The following CNTLN variants were observed in gnomAD, a reference collection of about 807,000 sequenced individuals.
The protein encoded by CNTLN is centlein.
A neutral mutation model predicts 180.0 loss-of-function variants in CNTLN; 212 were observed. The observed-to-expected ratio is 1.18, with a 90% CI of 1.05 to 1.32. The LOEUF (loss-of-function observed/expected upper bound fraction) is 1.32. Ranked by LOEUF, CNTLN falls within the 40% of genes most tolerant of loss-of-function variation. CNTLN has a pLI of 0.00. For missense variants in CNTLN, 2,095 were observed against 1,610.9 expected, an observed-to-expected ratio of 1.30 and a Z score of -5.14; for synonymous variants, 722 against 563.1, an observed-to-expected ratio of 1.28 and a Z score of -3.99.
chr9:17,165,117 C>T (rs1039887300), intron 2 of CNTLN, among the ~76,000 whole-genome samples: 23 of 152,020 alleles, frequency 1.5e-4, no homozygotes, highest in Admixed American at 5.9e-4. Context: ...GGATTACAGG[C>T]GTGACCCATT....
intron 2 of CNTLN, among the ~76,000 whole-genome samples, chr9:17,195,102 A>G (rs912156960): frequency 5.3e-5 from 8 of 152,222 alleles, no homozygotes; most frequent in African/African-American, 9.6e-5. Flanking sequence ...CAGCCAAACC[A>G]TATCAGAAGC....
intron 5 of CNTLN, among the ~76,000 whole-genome samples, chr9:17,259,335 A>G (rs1826765338): frequency 7.4e-6 from 1 of 135,076 alleles, no homozygotes; most frequent in Non-Finnish European, 1.6e-5. Flanking sequence ...CCACTTGATC[A>G]TGGTGGATAA....
chr9:17,452,925 A>T (rs1285271320), intron 18 of CNTLN, among the ~76,000 whole-genome samples: 1 of 152,198 alleles, frequency 6.6e-6, no homozygotes, highest in East Asian at 1.9e-4. Flanking sequence ...TTGTCAGTTA[A>T]ACTACAAAAT....
intron 6 of CNTLN, among the ~76,000 whole-genome samples, chr9:17,281,314 G>A (rs556102406): frequency 1.5e-4 from 23 of 151,828 alleles, no homozygotes; most frequent in African/African-American, 4.8e-4. Context: ...CAGGATACAC[G>A]TGCAGGATGT....
chr9:17,472,796 A>G (rs751534938), intron 23 of CNTLN, among the ~76,000 whole-genome samples: 2 of 152,168 alleles, frequency 1.3e-5, no homozygotes, highest in African/African-American at 2.4e-5. Flanking sequence ...CTGAATTCCA[A>G]AATCTCCATT....
chr9:17,342,314 T>C lies in CNTLN; in HGVS notation c.1767-11T>C. 6.2e-7 allele frequency: 1 copy of C among 1,609,714 alleles called. No individual in the cohort carries two copies. The highest frequency in any genetic ancestry group is 2.2e-5 in the East Asian group (1 of 44,668). On this transcript the variant is annotated splice_polypyrimidine_tract_variant and intron_variant, in intron 11 of 25. Coordinates refer to ENST00000380647, the MANE Select transcript of CNTLN (RefSeq NM_017738.4). ...ATGTTAATTGAAAAAGCAACTTTGT[T>C]TTAAAAATAGGACTGAAATCAGGAA...
At chr9:17,296,745 A>G (rs1314802910) in intron 6 of CNTLN, among the ~76,000 whole-genome samples, 2 of 151,542 alleles carry the variant, frequency 1.3e-5, no homozygotes, top group African/African-American at 4.9e-5. Context: ...TTTGACTGCT[A>G]TTTTCTGCAT....
chr9:17,324,572 T>C (rs572852416), intron 8 of CNTLN, among the ~76,000 whole-genome samples: 1 of 152,278 alleles, frequency 6.6e-6, no homozygotes, highest in East Asian at 1.9e-4. Flanking sequence ...TTACATGTCA[T>C]AGAATAAATA....
intron 5 of CNTLN, among the ~76,000 whole-genome samples, chr9:17,267,461 T>G (rs893654749): frequency 6.6e-6 from 1 of 152,158 alleles, no homozygotes; most frequent in Non-Finnish European, 1.5e-5. Context: ...TCTCTCTGGC[T>G]GCCCTTAACA....
At chr9:17,295,614 C>G (rs983095277) in intron 6 of CNTLN, among the ~76,000 whole-genome samples, 2 of 152,156 alleles carry the variant, frequency 1.3e-5, no homozygotes, top group Non-Finnish European at 2.9e-5. Context: ...CCGACCACAG[C>G]TGTTTCTAGT....
chr9:17,143,191 A>G (rs573527698), intron 1 of CNTLN, 97 bp from the exon 2 acceptor site: 1 of 791,364 alleles, frequency 1.3e-6, no homozygotes, highest in African/African-American at 1.7e-5. Context: ...ACAACTAGGG[A>G]TCAAGTAATT....
At chr9:17,352,744 CT>C (rs1822485840) in intron 12 of CNTLN, among the ~76,000 whole-genome samples, 1 of 152,040 alleles carries the variant, frequency 6.6e-6, no homozygotes, top group South Asian at 2.1e-4. Flanking sequence ...CTGGCAACCG[CT>C]TATCTGCTTT....
intron 5 of CNTLN, among the ~76,000 whole-genome samples, chr9:17,240,296 C>A (rs996454336): frequency 1.3e-5 from 2 of 152,030 alleles, no homozygotes; most frequent in African/African-American, 4.8e-5. Context: ...GTTTTGTATA[C>A]TGATCTTGTA....
At chr9:17,151,646 T>C (rs1213067036) in intron 2 of CNTLN, among the ~76,000 whole-genome samples, 2 of 152,098 alleles carry the variant, frequency 1.3e-5, no homozygotes, top group African/African-American at 4.8e-5. Flanking sequence ...CTCTGCCAGG[T>C]TTTGGTATCA....
chr9:17,316,436 T>G (rs2132990508), intron 8 of CNTLN, among the ~76,000 whole-genome samples: 1 of 152,234 alleles, frequency 6.6e-6, no homozygotes. Context: ...GCTCTTTAAC[T>G]TAGGATGGGG....
At chr9:17,299,328 A>G (rs957704612) in intron 7 of CNTLN, 10 of 274,122 alleles carry the variant, frequency 3.6e-5, no homozygotes, top group African/African-American at 6.9e-5. Flanking sequence ...TAAATAATGT[A>G]GTTTATATAG....
intron 6 of CNTLN, among the ~76,000 whole-genome samples, chr9:17,295,816 A>G (rs909383240): frequency 5.3e-5 from 8 of 152,142 alleles, no homozygotes; most frequent in Admixed American, 3.3e-4. Context: ...AGAAATAAAC[A>G]TATCTACATA....
Position 17,253,765 on chromosome 9 carries a change from T to TTC in CNTLN, c.849+17178_849+17179insCT, listed in dbSNP as rs1218971047. 2.0e-5 allele frequency among the ~76,000 whole-genome samples: 3 copies of TTC among 150,614 alleles called. No individual in the cohort carries two copies. The East Asian group carries it at 5.8e-4, about 29-fold the overall frequency. On this transcript the variant is annotated intron_variant, in intron 5 of 25. Coordinates refer to ENST00000380647, the MANE Select transcript of CNTLN (RefSeq NM_017738.4). ...AAACTGGATGTCTTTTCTATTGTTT[T>TTC]TTTTTTTTCTTTTGCCTGATTGCTC...
intron 12 of CNTLN, among the ~76,000 whole-genome samples, chr9:17,351,567 T>C (rs1587737073): frequency 6.6e-6 from 1 of 152,336 alleles, no homozygotes; most frequent in East Asian, 1.9e-4. Context: ...TTATTTTTTT[T>C]CTGACCTCCC....
Sources: allele counts gnomAD v4.1 joint callset (sites outside exome capture counted in the v4.1 genomes callset), GRCh38; gene constraint gnomAD v4.1.1; transcripts MANE v1.5; gene names NCBI Gene and HGNC (gene_info 2026-07-23, HGNC 2026-07-21).